STAT3: variants seen among roughly 807,000 people sequenced by gnomAD.
STAT3 encodes signal transducer and activator of transcription 3.
Under a neutral mutation model 114.3 loss-of-function variants are expected in STAT3, and 7 were observed. The ratio of observed to expected loss-of-function variants is 0.06; its 90% CI spans 0.03 to 0.11. The LOEUF is 0.11. Ranked by LOEUF, STAT3 falls within the 10% of genes least tolerant of loss-of-function variation. STAT3 has a pLI of 1.00. For missense variants in STAT3, 364 were observed against 960.9 expected (o/e 0.38, Z 8.21); for synonymous variants, 331 against 354.5 (o/e 0.93, Z 0.74).
In STAT3 at chr17:42,323,252, C is replaced by T. The variant is rs1300868777; in HGVS notation, c.1748+8G>A. ...TGGTTACATCTGTGCACACTCTGTC[C>T]AACCTACCCTTCGTTCCAAAGGGCC... On this transcript the variant is annotated splice_region_variant and intron_variant, in intron 19 of 23. Coordinates refer to ENST00000264657, the MANE Select transcript of STAT3 (RefSeq NM_139276.3). 1 of 1,614,164 alleles carries T rather than the reference C, an allele frequency of 6.2e-7. No homozygotes were observed. The highest frequency in any genetic ancestry group is 1.7e-5 in the Admixed American group (1 of 60,022).
intron 1 of STAT3, among the ~76,000 whole-genome samples, chr17:42,370,769 A>ATT (rs544951035): frequency 1.2e-4 from 16 of 134,176 alleles, no homozygotes; most frequent in Non-Finnish European, 1.8e-4. Context: ...CACCCAGCTA[A>ATT]TTTTTTTTTT....
chr17:42,329,670 A>G (rs1271960728), intron 12 of STAT3, 23 bp from the exon 13 acceptor site: 3 of 1,614,014 alleles, frequency 1.9e-6, no homozygotes, highest in Non-Finnish European at 2.5e-6. Context: ...GGAACAATCA[A>G]CTATGTAGGT....
At chr17:42,365,743 C>T (rs536391591) in intron 1 of STAT3, among the ~76,000 whole-genome samples, 23 of 151,026 alleles carry the variant, frequency 1.5e-4, no homozygotes, top group Admixed American at 2.6e-4. Context: ...GCAACCTCCA[C>T]CTCCCGGGTT....
Position 42,337,682 on chromosome 17 carries a change from C to G in STAT3, c.645+81G>C. On this transcript the variant is annotated intron_variant, in intron 7 of 23. Coordinates refer to ENST00000264657, the MANE Select transcript of STAT3 (RefSeq NM_139276.3). The surrounding 1 kb of genome is among the most constrained non-coding windows in gnomAD (Gnocchi z 4.0). ...TCCAGAGCAGGAACTTCTTAGAAACCAAGCAAGTTCTGCCACAAGACGCTG... is the reference window on the plus strand; with the variant it reads ...TCCAGAGCAGGAACTTCTTAGAAACGAAGCAAGTTCTGCCACAAGACGCTG... 6.2e-7 allele frequency: 1 copy of G among 1,613,468 alleles called. No homozygotes were observed. Among genetic ancestry groups the G allele is most frequent in the Non-Finnish European group, 8.5e-7 (1 of 1,179,514 alleles).
intron 3 of STAT3, 42 bp downstream of exon 3, chr17:42,346,527 C>T (rs867298255): frequency 6.2e-7 from 1 of 1,613,778 alleles, no homozygotes; most frequent in Middle Eastern, 1.7e-4. Flanking sequence ...ACACCCGACT[C>T]TGCGGGTCCT....
intron 1 of STAT3, among the ~76,000 whole-genome samples, chr17:42,370,010 C>T (rs948729053): frequency 6.6e-6 from 1 of 151,934 alleles, no homozygotes; most frequent in Non-Finnish European, 1.5e-5. Flanking sequence ...CTTGCTCTGT[C>T]GCCCAGACTA....
intron 1 of STAT3, among the ~76,000 whole-genome samples, chr17:42,386,402 T>G (rs1199639258): frequency 6.6e-6 from 1 of 152,146 alleles, no homozygotes; most frequent in East Asian, 1.9e-4. Flanking sequence ...TGGCCTCAAT[T>G]TTCTTATCTA....
chr17:42,323,779 A>G (rs992235643), intron 17 of STAT3, among the ~76,000 whole-genome samples, 154 bp from the exon 18 acceptor site: 2 of 152,212 alleles, frequency 1.3e-5, no homozygotes, highest in Non-Finnish European at 2.9e-5. Flanking sequence ...GTGTGTGCAC[A>G]TGAGGACAAA....
At position 42,313,773 on chromosome 17, in the gene STAT3, A is replaced by C. The variant is rs2081158371; in HGVS notation, c.*1972T>G. The C allele has an allele frequency of 8.6e-6, 2 of 232,938 alleles. No individual in the cohort carries two copies. Among genetic ancestry groups the C allele is most frequent in the Non-Finnish European group, 1.7e-5 (2 of 117,614 alleles). 14.4% of individuals were successfully genotyped at this position (232,938 alleles called of 1,614,324 possible). A position where few individuals can be genotyped will look rare whatever the true frequency, so the allele number is the denominator to read the frequency against. Reference sequence around the variant, plus strand: ...GGTAAGCCCAAGTCTCACCTTTCTAAATATTCTGTTTATCAGTTAAGCTTA... The same window carrying C: ...GGTAAGCCCAAGTCTCACCTTTCTACATATTCTGTTTATCAGTTAAGCTTA... On this transcript the variant is annotated 3_prime_UTR_variant, in exon 24 of 24. Coordinates refer to ENST00000264657, the MANE Select transcript of STAT3 (RefSeq NM_139276.3).
chr17:42,320,090 A>G (rs888193068), intron 21 of STAT3, among the ~76,000 whole-genome samples: 5 of 152,166 alleles, frequency 3.3e-5, no homozygotes, highest in East Asian at 1.9e-4. Context: ...TGGGACCCCA[A>G]CGTCCTCTGC....
intron 1 of STAT3, among the ~76,000 whole-genome samples, chr17:42,349,416 G>C (rs1028143875): frequency 6.6e-6 from 1 of 152,166 alleles, no homozygotes; most frequent in African/African-American, 2.4e-5. Context: ...AGCCCTTTTA[G>C]TTATACACAG....
chr17:42,341,654 A>C (rs1041616523), intron 4 of STAT3, among the ~76,000 whole-genome samples: 1 of 152,156 alleles, frequency 6.6e-6, no homozygotes, highest in Non-Finnish European at 1.5e-5. Context: ...TGTAAACAGA[A>C]AAAATAGCAG....
intron 1 of STAT3, among the ~76,000 whole-genome samples, chr17:42,375,778 G>A (rs2084416050): frequency 6.6e-6 from 1 of 150,922 alleles, no homozygotes; most frequent in Non-Finnish European, 1.5e-5. Context: ...GTGGTGAGCC[G>A]AGATCGCGCC....
chr17:42,319,429 C>A (rs760844287), intron 21 of STAT3, among the ~76,000 whole-genome samples: 2 of 150,248 alleles, frequency 1.3e-5, no homozygotes, highest in Non-Finnish European at 2.9e-5. Context: ...GTAATCCCAG[C>A]TACTCAGGAG....
intron 1 of STAT3, among the ~76,000 whole-genome samples, chr17:42,365,529 GAAC>G (rs1420967589): frequency 2.6e-5 from 4 of 151,814 alleles, no homozygotes; most frequent in East Asian, 1.9e-4. Context: ...TCGGCAACTA[GAAC>G]AACATTTTTA....
intron 4 of STAT3, among the ~76,000 whole-genome samples, chr17:42,340,466 A>G (rs1404194147): frequency 6.6e-6 from 1 of 151,680 alleles, no homozygotes; most frequent in Non-Finnish European, 1.5e-5. Context: ...TGGGAGTTTG[A>G]GACCGGCCCA....
intron 5 of STAT3, 114 bp downstream of exon 5, chr17:42,339,200 G>A: frequency 9.9e-7 from 1 of 1,013,420 alleles, no homozygotes. Flanking sequence ...AGGCTGCAGT[G>A]AGCTGTGATC....
Position 42,337,366 on chromosome 17 carries a change from G to A in STAT3, c.797+69C>T. 6.3e-7 allele frequency: 1 copy of A among 1,590,762 alleles called. No individual in the cohort carries two copies. Among genetic ancestry groups the A allele is most frequent in the Non-Finnish European group, 8.6e-7 (1 of 1,163,948 alleles). On this transcript the variant is annotated intron_variant, in intron 8 of 23. Transcript: ENST00000264657. The surrounding 1 kb of genome is among the most constrained non-coding windows in gnomAD (Gnocchi z 4.0). ...TGGAGATATAGTACCAATTCTGTGG[G>A]CCTGCAGTTAAGATCAGAATTCAAT... is the stretch of plus-strand genomic sequence containing the variant.
chr17:42,371,452 C>A (rs986718968), intron 1 of STAT3, among the ~76,000 whole-genome samples: 1 of 151,170 alleles, frequency 6.6e-6, no homozygotes, highest in Non-Finnish European at 1.5e-5. Context: ...AGGCGGATCA[C>A]CTGAGAACGG....
Sources: allele counts gnomAD v4.1 joint callset (sites outside exome capture counted in the v4.1 genomes callset), GRCh38; gene constraint gnomAD v4.1.1; non-coding constraint Gnocchi (gnomAD v3.1); transcripts MANE v1.5; gene names NCBI Gene and HGNC (gene_info 2026-07-23, HGNC 2026-07-21).